The following PDE4C variants were observed in gnomAD, a reference collection of about 807,000 sequenced individuals.
PDE4C encodes phosphodiesterase 4C.
PDE4C carries 50 observed loss-of-function variants against 63.9 expected under a neutral mutation model. The observed-to-expected ratio is 0.78, with a 90% confidence interval of 0.62 to 0.99. The LOEUF is 0.99. Ranked by LOEUF, PDE4C falls within the 50% of genes least tolerant of loss-of-function variation. The probability of loss-of-function intolerance (pLI) is 0.00; values close to 1 mark genes in which losing one functional copy is unlikely to be tolerated. For synonymous variants in PDE4C, 377 were observed against 385.1 expected (o/e 0.98, Z 0.25); for missense variants, 777 against 899.1 (o/e 0.86, Z 1.74).
At chr19:18,225,213 G>A (rs1263942091) in intron 1 of PDE4C, among the ~76,000 whole-genome samples, 3 of 152,190 alleles carry the variant, frequency 2.0e-5, no homozygotes, top group Non-Finnish European at 2.9e-5. Flanking sequence ...GGCCAGGGGG[G>A]TAAACTGAGC....
chr19:18,241,252 C>A, intron 1 of PDE4C, among the ~76,000 whole-genome samples: 1 of 114,504 alleles, frequency 8.7e-6, no homozygotes. Context: ...TTTTTCTTCT[C>A]TTGTTTTTTT....
chr19:18,216,878 T>C lies in PDE4C; in HGVS notation c.1252A>G (p.Met418Val). Residue 418 changes from methionine (M) to valine (V), a missense_variant, in exon 12 of 15, where the codon ATG (methionine) becomes GTG (valine). Around this residue, in one of 3 missense-constraint regions of PDE4C, gnomAD observed 500 missense variants for 597.8 expected, o/e 0.84. Coordinates refer to ENST00000262805, the Ensembl canonical transcript of PDE4C. ...TCCAGCACCGAGGCGTCGTTGTACA[T>C]AAGCGCCAGCTCTGAGTCTGTGAGG... 6.2e-7 allele frequency: 1 copy of C among 1,613,356 alleles called. No homozygotes were observed. Among genetic ancestry groups the C allele is most frequent in the Non-Finnish European group, 8.5e-7 (1 of 1,179,530 alleles).
At position 18,214,995 on chromosome 19, in the gene PDE4C, C is replaced by T. The variant is rs370022379; in HGVS notation, c.1390-1505G>A. Among the ~76,000 whole-genome samples the T allele has an allele frequency of 8.6e-5, 13 of 151,866 alleles. No individual in the cohort carries two copies. In the East Asian group the frequency reaches 1.5e-3, roughly 18 times the overall value. On this transcript the variant is annotated intron_variant, in intron 12 of 14. Coordinates refer to ENST00000262805, the Ensembl canonical transcript of PDE4C. ...TTAACCCACCCATGTGGACTCAGCC[C>T]AGCCAGGAGTGACTCAGATGTGGTT...
At chr19:18,248,589 C>A (rs960283220), upstream of PDE4C, among the ~76,000 whole-genome samples, 7 of 151,856 alleles carry the variant, frequency 4.6e-5, no homozygotes, top group Non-Finnish European at 8.8e-5. Flanking sequence ...GGACCAGCAG[C>A]TCTGGGAAGG....
chr19:18,230,096 T>A (rs1438857506), upstream of PDE4C, among the ~76,000 whole-genome samples: 1 of 152,104 alleles, frequency 6.6e-6, no homozygotes, highest in Non-Finnish European at 1.5e-5. Context: ...CAGCCATGGA[T>A]ACAACTTCAC....
chr19:18,244,481 T>C (rs10422920), intron 1 of PDE4C, among the ~76,000 whole-genome samples: 15,932 of 151,650 alleles, frequency 0.11, 1,085 homozygotes, highest in East Asian at 0.37. Flanking sequence ...TTTGTTGTTG[T>C]TGGGTTTTGT....
chr19:18,222,636 T>C (rs1188041069), intron 1 of PDE4C, among the ~76,000 whole-genome samples: 2 of 149,450 alleles, frequency 1.3e-5, no homozygotes, highest in East Asian at 2.0e-4. Context: ...CTCTTTCTTT[T>C]TTTTTTTTCT....
chr19:18,253,560 A>AC, the PDE4C span, among the ~76,000 whole-genome samples: 12 of 51,652 alleles, frequency 2.3e-4, no homozygotes, highest in African/African-American at 7.1e-4. Flanking sequence ...CAAAAAAAAA[A>AC]AAAACACACA....
chr19:18,251,851 C>T (rs555237923), upstream of PDE4C, among the ~76,000 whole-genome samples: 155 of 152,160 alleles, frequency 1.0e-3, no homozygotes, highest in African/African-American at 3.6e-3. Flanking sequence ...GTATTAGTTT[C>T]TCTCTTTGCC....
upstream of PDE4C, among the ~76,000 whole-genome samples, chr19:18,234,640 T>C (rs566791827): frequency 5.9e-5 from 9 of 152,186 alleles, no homozygotes; most frequent in South Asian, 1.5e-3. Flanking sequence ...TTAAGGCCAT[T>C]AGGGTGCCTC....
exon 2 of PDE4C, chr19:18,222,190 T>C: frequency 1.9e-6 from 3 of 1,614,120 alleles, no homozygotes; most frequent in Non-Finnish European, 2.5e-6. Context: ...TCATAGTCGC[T>C]ATCTGAGCGG....
intron 1 of PDE4C, among the ~76,000 whole-genome samples, chr19:18,238,817 C>T (rs1417457961): frequency 2.0e-5 from 3 of 151,678 alleles, no homozygotes; most frequent in Non-Finnish European, 4.4e-5. Context: ...ATAGGGAAAC[C>T]CCATCTCTAC....
chr19:18,234,043 T>C (rs748990711), upstream of PDE4C, among the ~76,000 whole-genome samples: 23 of 152,254 alleles, frequency 1.5e-4, no homozygotes, highest in Non-Finnish European at 2.9e-4. Context: ...CTCCCATGTC[T>C]GGGATGGGCA....
intron 13 of PDE4C, 77 bp from the exon 14 acceptor site, chr19:18,212,018 G>A (rs1967973026): frequency 1.4e-6 from 2 of 1,441,612 alleles, no homozygotes; most frequent in African/African-American, 2.8e-5. Flanking sequence ...AGACAGGCTT[G>A]GTGCCATGGA....
At chr19:18,229,102 A>ATTTTTTTTTT (rs56379821), upstream of PDE4C, among the ~76,000 whole-genome samples, 29 of 124,538 alleles carry the variant, frequency 2.3e-4, no homozygotes, top group South Asian at 2.7e-4. Flanking sequence ...TGCCAAGCTA[A>ATTTTTTTTTT]TTTTTTTTTT....
intron 1 of PDE4C, chr19:18,225,904 C>G (rs1968699293): frequency 5.0e-6 from 1 of 201,466 alleles, no homozygotes; most frequent in Non-Finnish European, 1.0e-5. Context: ...CCTCCTCCCA[C>G]TGCCAGGACG....
At chr19:18,244,810 CTT>C (rs531303939) in intron 1 of PDE4C, among the ~76,000 whole-genome samples, 1 of 146,422 alleles carries the variant, frequency 6.8e-6, no homozygotes, top group Non-Finnish European at 1.5e-5. Flanking sequence ...CAGTGACCAG[CTT>C]TTTTTTTTTC....
upstream of PDE4C, among the ~76,000 whole-genome samples, chr19:18,227,257 G>A (rs1460860103): frequency 3.3e-5 from 5 of 152,066 alleles, no homozygotes; most frequent in South Asian, 4.1e-4. Context: ...TTCCATGGAC[G>A]CGGTCACGGG....
intron 1 of PDE4C, chr19:18,232,940 G>A (rs755669604): frequency 3.5e-6 from 5 of 1,430,624 alleles, no homozygotes; most frequent in Non-Finnish European, 4.6e-6. Flanking sequence ...CCCCTGCCCC[G>A]GCCACCTACC....
Sources: gnomAD v4.1 joint callset for allele counts (sites outside exome capture counted in the v4.1 genomes callset) on GRCh38, gnomAD v4.1.1 for gene constraint, gnomAD v4.1.1 regional missense constraint, MANE v1.5 for transcripts, NCBI Gene and HGNC (gene_info 2026-07-23, HGNC 2026-07-21) for gene names.